The following LRRC4C variants were observed in gnomAD, a reference collection of about 807,000 sequenced individuals.
The protein encoded by LRRC4C is leucine rich repeat containing 4C.
In LRRC4C, 5 loss-of-function variants were observed where a neutral mutation model predicts 33.6. The observed-to-expected ratio is 0.15, with a 90% CI of 0.08 to 0.31. The LOEUF is 0.31. Among genes scored for constraint, LRRC4C ranks in the 10% least tolerant of loss-of-function variants. The probability of loss-of-function intolerance (pLI) is 1.00; values close to 1 mark genes in which losing one functional copy is unlikely to be tolerated. For missense variants in LRRC4C, 560 were observed against 796.7 expected, an observed-to-expected ratio of 0.70 and a Z score of 3.58; for synonymous variants, 329 against 302.0, an observed-to-expected ratio of 1.09 and a Z score of -0.93.
At chr11:41,451,794 A>ACCAAG (rs1956033376) in intron 1 of LRRC4C, among the ~76,000 whole-genome samples, 1 of 152,134 alleles carries the variant, frequency 6.6e-6, no homozygotes, top group African/African-American at 2.4e-5. Context: ...AATGCTTAAT[A>ACCAAG]GTAGTCCAGG....
At chr11:41,128,880 A>G (rs532839968) in intron 1 of LRRC4C, among the ~76,000 whole-genome samples, 161 of 152,140 alleles carry the variant, frequency 1.1e-3, no homozygotes, top group African/African-American at 3.7e-3. Flanking sequence ...CTGTACTATT[A>G]TTTAGTGAGT....
intron 4 of LRRC4C, among the ~76,000 whole-genome samples, chr11:40,288,141 C>G (rs1331285709): frequency 6.6e-6 from 1 of 152,154 alleles, no homozygotes; most frequent in Non-Finnish European, 1.5e-5. Context: ...CAAACAGGCT[C>G]AGAGAGGTTA....
chr11:40,196,605 A>G (rs1187935085), intron 5 of LRRC4C, among the ~76,000 whole-genome samples: 1 of 152,236 alleles, frequency 6.6e-6, no homozygotes, highest in East Asian at 1.9e-4. Context: ...TGCAAATGGC[A>G]TGAAGCAAAG....
At chr11:40,684,882 G>T (rs1200996407) in intron 2 of LRRC4C, among the ~76,000 whole-genome samples, 2 of 151,856 alleles carry the variant, frequency 1.3e-5, no homozygotes, top group East Asian at 3.9e-4. Flanking sequence ...AGATGATTTT[G>T]TTGGACAAAG....
chr11:40,680,223 C>T (rs1448859059), intron 2 of LRRC4C, among the ~76,000 whole-genome samples: 1 of 152,164 alleles, frequency 6.6e-6, no homozygotes, highest in African/African-American at 2.4e-5. Flanking sequence ...ACCTGTGTCC[C>T]CATTGTACTT....
chr11:40,492,453 T>C (rs939361386), intron 3 of LRRC4C, among the ~76,000 whole-genome samples: 5 of 152,162 alleles, frequency 3.3e-5, no homozygotes, highest in Non-Finnish European at 7.4e-5. Context: ...TTTTCAAGAA[T>C]GATTTGTTTG....
chr11:40,412,598 A>T, intron 3 of LRRC4C, among the ~76,000 whole-genome samples: 1 of 152,054 alleles, frequency 6.6e-6, no homozygotes, highest in East Asian at 1.9e-4. Context: ...TTTTGCCATT[A>T]CTTCCAAACT....
chr11:41,300,857 A>C (rs2137075261), intron 1 of LRRC4C, among the ~76,000 whole-genome samples: 1 of 152,170 alleles, frequency 6.6e-6, no homozygotes, highest in Admixed American at 6.5e-5. Context: ...GTAAAATACT[A>C]CTTGTTACAT....
chr11:41,349,848 AT>A (rs1337255201), intron 1 of LRRC4C, among the ~76,000 whole-genome samples: 2 of 152,196 alleles, frequency 1.3e-5, no homozygotes, highest in Admixed American at 6.5e-5. Flanking sequence ...ATTAATTCTT[AT>A]AAGAACAATA....
chr11:40,116,218 G>A lies in LRRC4C; in HGVS notation c.75C>T (p.Pro25=), dbSNP rs1266282091. The A allele has an allele frequency of 1.2e-6, 2 of 1,613,936 alleles. No individual in the cohort carries two copies. The highest frequency in any genetic ancestry group is 1.3e-5 in the African/African-American group (1 of 74,890). ...GPRFNRALFD[P]LLVVLLALQL... is the part of the protein sequence containing the mutation. ...GAAGAGCCAGCAGCACCACAAGCAG[G>A]GGGTCAAATAGGGCCCTGTTAAACC... Residue 25 remains proline (P), a synonymous_variant, in exon 7 of 7, where the codon CCC becomes CCT. Coordinates refer to ENST00000528697, the MANE Select transcript of LRRC4C (RefSeq NM_001258419.2).
intron 1 of LRRC4C, among the ~76,000 whole-genome samples, chr11:41,102,044 T>A (rs1201612005): frequency 6.6e-6 from 1 of 151,896 alleles, no homozygotes; most frequent in Non-Finnish European, 1.5e-5. Context: ...CTAGGCTCAG[T>A]TACTTGGTGA....
chr11:40,901,999 TACACACACACACACACACAC>T (rs369525560), intron 2 of LRRC4C, among the ~76,000 whole-genome samples: 20 of 139,840 alleles, frequency 1.4e-4, no homozygotes, highest in Non-Finnish European at 2.4e-4. Flanking sequence ...TCTCTCTCTC[TACACACACACACACACACAC>T]ACACACACAC....
At chr11:41,310,910 T>A (rs1950626207) in intron 1 of LRRC4C, among the ~76,000 whole-genome samples, 1 of 152,224 alleles carries the variant, frequency 6.6e-6, no homozygotes, top group South Asian at 2.1e-4. Context: ...TCTAATATAT[T>A]TTTGCCTTTA....
chr11:40,250,211 T>C (rs1866675074), intron 4 of LRRC4C, among the ~76,000 whole-genome samples: 1 of 150,990 alleles, frequency 6.6e-6, no homozygotes, highest in South Asian at 2.1e-4. Context: ...CAGTGTGGAG[T>C]ATCAAATATA....
At chr11:41,087,492 A>G (rs1218205551) in intron 1 of LRRC4C, among the ~76,000 whole-genome samples, 1 of 151,990 alleles carries the variant, frequency 6.6e-6, no homozygotes, top group South Asian at 2.1e-4. Context: ...TTAATTTGGT[A>G]TATGTTAGTA....
intron 2 of LRRC4C, among the ~76,000 whole-genome samples, chr11:40,668,851 A>G (rs1305595904): frequency 6.6e-6 from 1 of 152,182 alleles, no homozygotes; most frequent in Non-Finnish European, 1.5e-5. Context: ...AGTAGAAACC[A>G]TGGGGCTAGA....
intron 5 of LRRC4C, among the ~76,000 whole-genome samples, chr11:40,218,586 G>C (rs1230372930): frequency 2.2e-5 from 1 of 45,858 alleles, no homozygotes; most frequent in South Asian, 6.7e-4. Context: ...ATCTATGTAT[G>C]TATGTATGTA....
intron 3 of LRRC4C, among the ~76,000 whole-genome samples, chr11:40,432,138 T>C (rs942036044): frequency 2.6e-5 from 4 of 152,206 alleles, no homozygotes; most frequent in African/African-American, 9.7e-5. Flanking sequence ...ACAACACTGA[T>C]ACCTTGATGG....
At chr11:40,451,953 G>A (rs1052868590) in intron 3 of LRRC4C, among the ~76,000 whole-genome samples, 1 of 152,114 alleles carries the variant, frequency 6.6e-6, no homozygotes, top group African/African-American at 2.4e-5. Context: ...AGGACAGTGG[G>A]TGCAGCACAC....
Sources: gnomAD v4.1 joint callset for allele counts (sites outside exome capture counted in the v4.1 genomes callset) on GRCh38, gnomAD v4.1.1 for gene constraint, MANE v1.5 for transcripts, NCBI Gene and HGNC (gene_info 2026-07-23, HGNC 2026-07-21) for gene names.